PPP1R21: variants seen among roughly 807,000 people sequenced by gnomAD.
PPP1R21 encodes protein phosphatase 1 regulatory subunit 21.
In PPP1R21, 85 loss-of-function variants were observed where a neutral mutation model predicts 112.8. The observed-to-expected ratio is 0.75, with a 90% confidence interval of 0.63 to 0.90. The LOEUF (loss-of-function observed/expected upper bound fraction) is 0.90. PPP1R21 is among the 40% of genes least tolerant of loss of function. The pLI is 0.00. For synonymous variants in PPP1R21, 381 were observed against 322.3 expected (o/e 1.18, Z -1.95); for missense variants, 1,199 against 901.5 (o/e 1.33, Z -4.23).
chr2:48,473,129 T>C (rs1164163523), intron 11 of PPP1R21, among the ~76,000 whole-genome samples: 1 of 151,676 alleles, frequency 6.6e-6, no homozygotes, highest in Admixed American at 6.6e-5. Flanking sequence ...TTAAGAGACA[T>C]CTTCTTTCCT....
At chr2:48,456,412 C>T (rs1450537914) in intron 3 of PPP1R21, among the ~76,000 whole-genome samples, 3 of 152,098 alleles carry the variant, frequency 2.0e-5, no homozygotes, top group Admixed American at 2.0e-4. Context: ...GCAGTATGGC[C>T]AGAAGAGCAC....
chr2:48,479,744 C>T (rs1021252437), intron 12 of PPP1R21, among the ~76,000 whole-genome samples, 180 bp from the exon 13 acceptor site: 2 of 152,186 alleles, frequency 1.3e-5, no homozygotes, highest in African/African-American at 4.8e-5. Context: ...AGATGCAAAT[C>T]ATTTAGATGT....
rs553690244 is a variant in PPP1R21, at chr2:48,465,406, A to T, written c.748-87A>T. 4.1e-6 allele frequency: 5 copies of T among 1,214,982 alleles called. No homozygotes were observed. In the African/African-American group the frequency reaches 4.6e-5, roughly 11 times the overall value. The allele number at this position is 1,214,982 out of a possible 1,614,324, so 75.3% of individuals were successfully genotyped here. On this transcript the variant is annotated intron_variant, in intron 8 of 21. Transcript: ENST00000294952. ...TAAGGAATAATCACACTAGGATTCAAATGTTTTCTCCAGATCAGACTCAAT... is the reference window on the plus strand; with the variant it reads ...TAAGGAATAATCACACTAGGATTCATATGTTTTCTCCAGATCAGACTCAAT...
chr2:48,504,654 C>CA (rs199528225), intron 17 of PPP1R21, among the ~76,000 whole-genome samples: 11,779 of 148,814 alleles, frequency 0.079, 620 homozygotes, highest in Non-Finnish European at 0.12. Flanking sequence ...AACAAACAAA[C>CA]AAAAAAAAAC....
chr2:48,490,218 CAAAAAAAAAAA>C (rs70943343), intron 14 of PPP1R21, among the ~76,000 whole-genome samples: 96 of 93,952 alleles, frequency 1.0e-3, no homozygotes, highest in African/African-American at 3.7e-3. Context: ...GACGCCGACT[CAAAAAAAAAAA>C]AAAAAAAAAA....
At chr2:48,475,290 C>G (rs185258721) in intron 12 of PPP1R21, among the ~76,000 whole-genome samples, 135 of 152,152 alleles carry the variant, frequency 8.9e-4, no homozygotes, top group Admixed American at 1.6e-3. Flanking sequence ...GAGGTTAAGG[C>G]TGCAGTGAGC....
rs186328182 is a variant in PPP1R21 at position 48,447,907 on chromosome 2, A to G, written c.58-3101A>G. 7.3e-3 allele frequency among the ~76,000 whole-genome samples: 1,111 copies of G among 152,154 alleles called. 78 individuals are homozygous for G. Among genetic ancestry groups the G allele is most frequent in the Admixed American group, 0.063 (963 of 15,268 alleles). ...GGAGGCTGCAGTGAGCTGAGATTGC[A>G]CCACTGCACTTCAGCCTGGGCAACA... On this transcript the variant is annotated intron_variant, in intron 1 of 21. Coordinates refer to ENST00000294952, the MANE Select transcript of PPP1R21 (RefSeq NM_001135629.3).
At chr2:48,456,740 C>T (rs907872275) in intron 3 of PPP1R21, among the ~76,000 whole-genome samples, 1 of 152,278 alleles carries the variant, frequency 6.6e-6, no homozygotes, top group Admixed American at 6.5e-5. Context: ...ATTAGAATCA[C>T]TTGGGAAACT....
At chr2:48,504,396 A>C (rs1385439248) in intron 17 of PPP1R21, among the ~76,000 whole-genome samples, 3 of 152,204 alleles carry the variant, frequency 2.0e-5, no homozygotes, top group Non-Finnish European at 4.4e-5. Context: ...TAATCCCAGC[A>C]CTTTGGGAGG....
At chr2:48,505,925 G>T (rs543926041) in intron 18 of PPP1R21, among the ~76,000 whole-genome samples, 1 of 152,072 alleles carries the variant, frequency 6.6e-6, no homozygotes, top group African/African-American at 2.4e-5. Context: ...GTTAGTCCTC[G>T]CAGTGGGCAG....
chr2:48,453,741 T>C (rs955924123), intron 2 of PPP1R21, among the ~76,000 whole-genome samples: 1 of 152,250 alleles, frequency 6.6e-6, no homozygotes, highest in African/African-American at 2.4e-5. Context: ...CATTTAGCTT[T>C]AAAGTGAATT....
chr2:48,454,848 T>C, intron 3 of PPP1R21, 107 bp downstream of exon 3: 1 of 882,842 alleles, frequency 1.1e-6, no homozygotes, highest in South Asian at 1.6e-5. Flanking sequence ...ATTTTTTTCT[T>C]TGTTTGTTTG....
At chr2:48,451,557 C>T (rs1386592169) in intron 2 of PPP1R21, among the ~76,000 whole-genome samples, 1 of 152,178 alleles carries the variant, frequency 6.6e-6, no homozygotes, top group Non-Finnish European at 1.5e-5. Context: ...TCAGGACACT[C>T]TTTGAGTGAT....
intron 1 of PPP1R21, among the ~76,000 whole-genome samples, chr2:48,448,759 ATTAAAGTGGTATTTCTCTCTTT>A (rs939433068): frequency 6.6e-6 from 1 of 152,250 alleles, no homozygotes; most frequent in Non-Finnish European, 1.5e-5. Context: ...GGAAGTCAAC[ATTAAAGTGGTATTTCTCTCTTT>A]TGAACTTCTA....
At position 48,471,098 on chromosome 2, in the gene PPP1R21, C is replaced by A; in HGVS notation, c.909C>A (p.Tyr303Ter). 6.2e-7 allele frequency: 1 copy of A among 1,608,062 alleles called. No individual in the cohort carries two copies. Among genetic ancestry groups the A allele is most frequent in the Non-Finnish European group, 8.5e-7 (1 of 1,174,642 alleles). The change falls in exon 10 of 22, where the codon TAC becomes TAA. Residue 303 changes from tyrosine (Y) to a stop codon, truncating the protein, a stop_gained. Coordinates refer to ENST00000294952, the MANE Select transcript of PPP1R21 (RefSeq NM_001135629.3). LOFTEE classifies it high-confidence loss of function. ...TCCCTCCTGTTTAGTTCTCACAATACCTTCATGAAAATGCGTCCTATGTCC... is the reference window on the plus strand; with the variant it reads ...TCCCTCCTGTTTAGTTCTCACAATAACTTCATGAAAATGCGTCCTATGTCC... ...ISPLNQKFSQ[Y>*]LHENASYVRP...
intron 9 of PPP1R21, among the ~76,000 whole-genome samples, chr2:48,467,002 G>A (rs772404299): frequency 6.6e-6 from 1 of 152,156 alleles, no homozygotes; most frequent in Non-Finnish European, 1.5e-5. Flanking sequence ...CCATTTTATT[G>A]TCGGAAAAAT....
chr2:48,474,822 A>G lies in PPP1R21; in HGVS notation c.1225+3A>G, dbSNP rs1400404854. ...CATAGCTCTTCTTGCCTTGCCAAGT[A>G]AGTATGTTTGTTGCTTAGGGGTCAA... On this transcript the variant is annotated splice_donor_region_variant and intron_variant, in intron 12 of 21. Coordinates refer to ENST00000294952, the MANE Select transcript of PPP1R21 (RefSeq NM_001135629.3). The G allele has an allele frequency of 8.7e-6, 14 of 1,611,282 alleles. No homozygotes were observed. The Admixed American group carries it at 1.3e-4, about 16-fold the overall frequency.
intron 1 of PPP1R21, among the ~76,000 whole-genome samples, chr2:48,442,302 A>G (rs946743243): frequency 3.9e-5 from 6 of 152,220 alleles, no homozygotes; most frequent in African/African-American, 1.4e-4. Context: ...AAAAGAAGAA[A>G]AAAATAAGAA....
chr2:48,474,018 A>G (rs1668635133), intron 11 of PPP1R21, among the ~76,000 whole-genome samples: 1 of 152,074 alleles, frequency 6.6e-6, no homozygotes, highest in African/African-American at 2.4e-5. Context: ...TGTTTAATTC[A>G]TTTTCTTTAG....
Sources: allele counts gnomAD v4.1 joint callset (sites outside exome capture counted in the v4.1 genomes callset), GRCh38; gene constraint gnomAD v4.1.1; transcripts MANE v1.5; gene names NCBI Gene and HGNC (gene_info 2026-07-23, HGNC 2026-07-21).